Variants in PCDH15 observed in about 807,000 individuals in gnomAD.
PCDH15 encodes the protein protocadherin-15.
Under a neutral mutation model 178.5 loss-of-function variants are expected in PCDH15, and 129 were observed. The ratio of observed to expected loss-of-function variants is 0.72; its 90% confidence interval spans 0.63 to 0.84. The LOEUF (loss-of-function observed/expected upper bound fraction) is 0.84, where lower values mean the gene tolerates loss of function less well. Among genes scored for constraint, PCDH15 ranks in the 40% least tolerant of loss-of-function variants. The pLI is 0.00. For missense variants in PCDH15, 2,230 were observed against 2,099.9 expected, an observed-to-expected ratio of 1.06 and a Z score of -1.21; for synonymous variants, 800 against 732.0, an observed-to-expected ratio of 1.09 and a Z score of -1.50.
chr10:54,297,229 G>A (rs530760895), intron 8 of PCDH15, among the ~76,000 whole-genome samples: 45 of 152,220 alleles, frequency 3.0e-4, no homozygotes, highest in African/African-American at 1.0e-3. Flanking sequence ...AAACACTCAG[G>A]CATCAATGGG....
rs762393272 is a variant in PCDH15, at chr10:54,380,484, T to C, written c.158-1542A>G. The stretch of plus-strand genomic sequence containing the variant: ...CAACTCACCATGAAAAGATATTTGA[T>C]CTGTATTTCAATATATAATTGAGAA... On this transcript the variant is annotated intron_variant, in intron 3 of 37. Coordinates refer to ENST00000644397, the MANE Select transcript of PCDH15 (RefSeq NM_001384140.1). Among the ~76,000 whole-genome samples, 27 of 151,008 alleles carry C rather than the reference T, an allele frequency of 1.8e-4. 1 individual carries two copies. The highest frequency in any genetic ancestry group is 3.7e-4 in the Non-Finnish European group (25 of 67,760).
chr10:55,096,856 A>G (rs1376668283), intron 2 of PCDH15, among the ~76,000 whole-genome samples: 1 of 152,130 alleles, frequency 6.6e-6, no homozygotes, highest in Non-Finnish European at 1.5e-5. Flanking sequence ...TTAAAAAACA[A>G]TATAGATTGT....
chr10:55,274,819 G>C (rs889571415), intron 1 of PCDH15, among the ~76,000 whole-genome samples: 3 of 151,986 alleles, frequency 2.0e-5, no homozygotes, highest in Non-Finnish European at 4.4e-5. Context: ...CTCATAAGGA[G>C]CGTGACCTAG....
At chr10:55,378,480 A>G (rs998926273) in intron 2 of PCDH15, among the ~76,000 whole-genome samples, 3 of 152,162 alleles carry the variant, frequency 2.0e-5, no homozygotes, top group Non-Finnish European at 4.4e-5. Flanking sequence ...GGAACTACAC[A>G]TTTGAAGCAT....
rs1591971660 is a variant in PCDH15 at position 55,182,595 on chromosome 10, G to A, written c.-155-15944C>T. On this transcript the variant is annotated intron_variant, in intron 1 of 5. Coordinates refer to the PCDH15 transcript ENST00000458638. ...CCTATGTTGTTAGATTAAATGAATT[G>A]GTATATGCAAATTACCTAGACCAGT... is the stretch of plus-strand genomic sequence containing the variant. 2.0e-5 allele frequency among the ~76,000 whole-genome samples: 3 copies of A among 151,838 alleles called. No individual in the cohort carries two copies. In the South Asian group the frequency reaches 6.2e-4, roughly 32 times the overall value.
intron 2 of PCDH15, among the ~76,000 whole-genome samples, chr10:55,025,808 T>C (rs1458706551): frequency 1.3e-5 from 2 of 152,138 alleles, no homozygotes; most frequent in Admixed American, 6.5e-5. Flanking sequence ...ATTTAGTATA[T>C]ATTAAATGCT....
chr10:54,070,716 A>T, intron 17 of PCDH15, among the ~76,000 whole-genome samples: 1 of 152,068 alleles, frequency 6.6e-6, no homozygotes, highest in East Asian at 1.9e-4. Context: ...CAGTCTCCTA[A>T]GTAGGTGGGA....
At chr10:54,195,225 C>T (rs892791615) in intron 11 of PCDH15, among the ~76,000 whole-genome samples, 2 of 152,146 alleles carry the variant, frequency 1.3e-5, no homozygotes, top group Non-Finnish European at 2.9e-5. Flanking sequence ...CACATAGTCA[C>T]TGGCAGAAGT....
At chr10:53,864,693 T>G (rs575613280) in intron 27 of PCDH15, among the ~76,000 whole-genome samples, 1 of 152,016 alleles carries the variant, frequency 6.6e-6, no homozygotes, top group African/African-American at 2.4e-5. Context: ...CTTGCTTTAA[T>G]AAATCCCTGC....
At chr10:54,398,635 C>T (rs1951545015) in intron 3 of PCDH15, among the ~76,000 whole-genome samples, 3 of 151,908 alleles carry the variant, frequency 2.0e-5, no homozygotes, top group Admixed American at 2.0e-4. Context: ...TGCCCCCCAA[C>T]ATAGTATCTT....
At chr10:55,283,549 CT>C (rs1436567333) in intron 1 of PCDH15, among the ~76,000 whole-genome samples, 1 of 151,754 alleles carries the variant, frequency 6.6e-6, no homozygotes, top group Non-Finnish European at 1.5e-5. Context: ...GACACAGCTT[CT>C]TTCCTTCCTT....
At chr10:54,551,989 C>T (rs1432026326) in intron 2 of PCDH15, among the ~76,000 whole-genome samples, 1 of 151,912 alleles carries the variant, frequency 6.6e-6, no homozygotes, top group Admixed American at 6.6e-5. Flanking sequence ...ACAAGAAATG[C>T]TGGAAATATT....
intron 1 of PCDH15, among the ~76,000 whole-genome samples, chr10:54,681,231 G>C (rs2094893254): frequency 6.6e-6 from 1 of 152,180 alleles, no homozygotes; most frequent in South Asian, 2.1e-4. Flanking sequence ...GTTTGGCTTT[G>C]ATTGCTCAAA....
chr10:55,327,144 G>C (rs76872613), intron 2 of PCDH15, among the ~76,000 whole-genome samples: 1,918 of 152,106 alleles, frequency 0.013, 34 homozygotes, highest in African/African-American at 0.044. Context: ...AATAGAATTA[G>C]TGCCCCATAA....
chr10:54,191,142 C>T (rs1318358138), intron 11 of PCDH15, among the ~76,000 whole-genome samples: 1 of 152,146 alleles, frequency 6.6e-6, no homozygotes, highest in Non-Finnish European at 1.5e-5. Context: ...GAAGAGTTCC[C>T]AAACCCTATT....
chr10:55,292,528 C>G (rs1588885781), intron 1 of PCDH15, among the ~76,000 whole-genome samples: 1 of 152,116 alleles, frequency 6.6e-6, no homozygotes, highest in Non-Finnish European at 1.5e-5. Context: ...ATAACAGGTG[C>G]TCGCCACCAC....
At chr10:55,237,952 T>C (rs1377272413) in intron 1 of PCDH15, among the ~76,000 whole-genome samples, 3 of 152,016 alleles carry the variant, frequency 2.0e-5, no homozygotes, top group Non-Finnish European at 4.4e-5. Flanking sequence ...AATTTAGCTT[T>C]TAGTTACCAC....
At chr10:54,838,740 C>T (rs1391370941) in intron 3 of PCDH15, among the ~76,000 whole-genome samples, 1 of 152,094 alleles carries the variant, frequency 6.6e-6, no homozygotes, top group Non-Finnish European at 1.5e-5. Context: ...CTTTGTGTAC[C>T]TAGAGGCAGG....
chr10:54,187,798 T>TACATAAA (rs1294882184), intron 11 of PCDH15, among the ~76,000 whole-genome samples: 3 of 151,824 alleles, frequency 2.0e-5, no homozygotes, highest in Non-Finnish European at 4.4e-5. Context: ...AATAATCTTG[T>TACATAAA]ACATAAATGC....
Sources: gnomAD v4.1 joint callset for allele counts (sites outside exome capture counted in the v4.1 genomes callset) on GRCh38, gnomAD v4.1.1 for gene constraint, MANE v1.5 for transcripts, NCBI Gene and HGNC (gene_info 2026-07-23, HGNC 2026-07-21) for gene names.